Variants in FNTA observed in about 807,000 individuals in gnomAD.
The protein encoded by FNTA is farnesyltransferase, CAAX box, subunit alpha.
FNTA carries 27 observed loss-of-function variants against 55.2 expected under a neutral mutation model. The observed-to-expected ratio is 0.49, with a 90% CI of 0.36 to 0.67. The LOEUF is 0.67. Ranked by LOEUF, FNTA falls within the 30% of genes least tolerant of loss-of-function variation. The pLI, the probability that FNTA is intolerant of heterozygous loss-of-function variation, is 0.00. For synonymous variants in FNTA, 176 were observed against 170.7 expected (o/e 1.03, Z -0.24); for missense variants, 422 against 464.7 (o/e 0.91, Z 0.85).
At chr8:43,061,377 C>T (rs1810525499) in intron 2 of FNTA, among the ~76,000 whole-genome samples, 1 of 152,142 alleles carries the variant, frequency 6.6e-6, no homozygotes, top group East Asian at 1.9e-4. Context: ...TTATTTAACT[C>T]CTATGTGCCT....
At chr8:43,060,452 A>G (rs1053261814) in intron 2 of FNTA, among the ~76,000 whole-genome samples, 12 of 152,162 alleles carry the variant, frequency 7.9e-5, no homozygotes, top group Non-Finnish European at 1.5e-4. Context: ...AGGTGGGCAG[A>G]TCACCTAAGG....
intron 3 of FNTA, among the ~76,000 whole-genome samples, chr8:43,067,880 C>G (rs1281385771): frequency 4.0e-5 from 6 of 151,888 alleles, no homozygotes; most frequent in Non-Finnish European, 5.9e-5. Context: ...CCACCACACC[C>G]AGCTAGTTTT....
Position 43,056,439 on chromosome 8 carries a change from CCAG to C in FNTA, c.102_104del (p.Gln34del), listed in dbSNP as rs1377232743. On this transcript the variant is annotated inframe_deletion, in exon 1 of 9. Coordinates refer to ENST00000302279, the MANE Select transcript of FNTA (RefSeq NM_002027.3). ...CGCCCCAGCCGCACCCACCGCCGCC[CCAG>C]CAGCAGCACAAGGAAGAGATGGCGG... The C allele has an allele frequency of 2.6e-6, 4 of 1,549,594 alleles. No individual in the cohort carries two copies. The highest frequency in any genetic ancestry group is 5.0e-5 in the East Asian group (2 of 39,738).
chr8:43,083,345 T>C (rs1156864626), intron 7 of FNTA, among the ~76,000 whole-genome samples, 165 bp downstream of exon 7: 5 of 152,152 alleles, frequency 3.3e-5, no homozygotes, highest in Admixed American at 3.3e-4. Flanking sequence ...CTCTGGGAGT[T>C]TGCCCTTCTA....
intron 7 of FNTA, 23 bp from the exon 8 acceptor site, chr8:43,084,685 CTT>C (rs746043044): frequency 3.2e-6 from 5 of 1,557,058 alleles, no homozygotes; most frequent in Non-Finnish European, 4.3e-6. Flanking sequence ...AAAATCAAGT[CTT>C]TGTTTTTTGT....
In FNTA at chr8:43,059,075, G is replaced by T. The variant is rs202242538; in HGVS notation, c.201-17G>T. 1,418 of 1,600,082 alleles carry T rather than the reference G, an allele frequency of 8.9e-4. 15 individuals carry two copies. The highest frequency in any genetic ancestry group is 1.1e-4 in the Non-Finnish European group (124 of 1,169,504). On this transcript the variant is annotated splice_polypyrimidine_tract_variant and intron_variant, in intron 1 of 8. Coordinates refer to ENST00000302279, the MANE Select transcript of FNTA (RefSeq NM_002027.3). ...GTATTTGAATGTAACCACTGGTTGG[G>T]GAATGTCTGTTTTCAGGGACAGAGC...
In FNTA at chr8:43,077,212, T is replaced by G; in HGVS notation, c.634-4T>G. 1 of 1,563,316 alleles carries G rather than the reference T, an allele frequency of 6.4e-7. No homozygotes were observed. The highest frequency in any genetic ancestry group is 1.2e-5 in the South Asian group (1 of 84,092). On this transcript the variant is annotated splice_region_variant and splice_polypyrimidine_tract_variant and intron_variant, in intron 5 of 8. Transcript: ENST00000302279. ...TGGATGATTTTTCTAAATTTTTCCTTTAGGAATTTAAACTTTGGGATAATG... is the reference window on the plus strand; with the variant it reads ...TGGATGATTTTTCTAAATTTTTCCTGTAGGAATTTAAACTTTGGGATAATG...
At chr8:43,072,624 G>A (rs1023096600) in intron 5 of FNTA, among the ~76,000 whole-genome samples, 1 of 152,096 alleles carries the variant, frequency 6.6e-6, no homozygotes, top group African/African-American at 2.4e-5. Context: ...CTGCTTGGGA[G>A]GCTGAGGCAG....
chr8:43,084,619 T>C (rs1189994433), intron 7 of FNTA, 91 bp from the exon 8 acceptor site: 3 of 953,208 alleles, frequency 3.1e-6, no homozygotes, highest in South Asian at 1.7e-5. Flanking sequence ...TTTTCTTGTT[T>C]GTGTTTCAGG....
At chr8:43,080,228 G>A (rs1810996194) in intron 6 of FNTA, 1 of 152,206 alleles carries the variant, frequency 6.6e-6, no homozygotes, top group African/African-American at 2.4e-5. Context: ...AATGCTATCA[G>A]ACAGCATCAC....
chr8:43,061,962 G>A (rs1321644212), intron 2 of FNTA, among the ~76,000 whole-genome samples: 1 of 151,944 alleles, frequency 6.6e-6, no homozygotes, highest in Non-Finnish European at 1.5e-5. Context: ...CAGGTGATCC[G>A]CCCACCTCGG....
chr8:43,066,391 G>A (rs192768847), intron 3 of FNTA, among the ~76,000 whole-genome samples: 97 of 150,664 alleles, frequency 6.4e-4, no homozygotes, highest in Non-Finnish European at 1.2e-3. Context: ...CGAGTAGCTG[G>A]GACTACGGAC....
chr8:43,083,867 G>A (rs1420138451), intron 7 of FNTA, among the ~76,000 whole-genome samples: 2 of 152,176 alleles, frequency 1.3e-5, no homozygotes, highest in East Asian at 1.9e-4. Flanking sequence ...GAGGCTAGGA[G>A]GTCGAGACCA....
At chr8:43,076,265 A>G (rs1810910391) in intron 5 of FNTA, among the ~76,000 whole-genome samples, 1 of 152,004 alleles carries the variant, frequency 6.6e-6, no homozygotes. Flanking sequence ...GTTGGTCTCA[A>G]ACTCCTGACC....
At chr8:43,081,465 T>C (rs958520351) in intron 6 of FNTA, 3 of 152,206 alleles carry the variant, frequency 2.0e-5, no homozygotes, top group Admixed American at 6.5e-5. Context: ...ATGAAGAACT[T>C]GAGGTTCCAG....
chr8:43,078,173 A>G (rs759435904), intron 6 of FNTA: 2 of 152,174 alleles, frequency 1.3e-5, no homozygotes, highest in Non-Finnish European at 2.9e-5. Flanking sequence ...CTTAAAATTT[A>G]TAAAAGGCTT....
At chr8:43,073,475 T>G (rs558494047) in intron 5 of FNTA, 8 of 152,190 alleles carry the variant, frequency 5.3e-5, no homozygotes, top group Non-Finnish European at 1.0e-4. Context: ...TCATGTGAGT[T>G]ACTTACCTGG....
In FNTA at chr8:43,056,430, A is replaced by C. The variant is rs1027781262; in HGVS notation, c.84A>C (p.Pro28=). The C allele has an allele frequency of 2.0e-6, 3 of 1,535,976 alleles. No individual in the cohort carries two copies. Among genetic ancestry groups the C allele is most frequent in the Non-Finnish European group, 2.6e-6 (3 of 1,144,686 alleles). Residue 28 remains proline (P), a synonymous_variant, in exon 1 of 9, where the codon CCA becomes CCC. Transcript: ENST00000302279. ...QPAQPPPQPH[P]PPPQQQHKEE... The stretch of plus-strand genomic sequence containing the variant: ...CGCAACCCCCGCCCCAGCCGCACCC[A>C]CCGCCGCCCCAGCAGCAGCACAAGG...
Position 43,064,313 on chromosome 8 carries a change from T to G in FNTA, c.401+98T>G, listed in dbSNP as rs929044709. The G allele has an allele frequency of 3.9e-6, 3 of 761,818 alleles. No individual in the cohort carries two copies. In the East Asian group the frequency reaches 8.0e-5, roughly 20 times the overall value. The allele number at this position is 761,818 out of a possible 1,614,324, so 47.2% of individuals were successfully genotyped here. A position where few individuals can be genotyped will look rare whatever the true frequency, so the allele number is the denominator to read the frequency against. On this transcript the variant is annotated intron_variant, in intron 3 of 8. Transcript: ENST00000302279. ...TACTTTAATTTTTTTAAACTGTACT[T>G]TATTTTTTTTGGAGGGGGGTGCAGT...
Sources: gnomAD v4.1 joint callset for allele counts (sites outside exome capture counted in the v4.1 genomes callset) on GRCh38, gnomAD v4.1.1 for gene constraint, MANE v1.5 for transcripts, NCBI Gene and HGNC (gene_info 2026-07-23, HGNC 2026-07-21) for gene names.